Variants in CADPS2 observed in about 807,000 individuals in gnomAD.
The protein encoded by CADPS2 is calcium-dependent secretion activator 2.
Under a neutral mutation model 172.5 loss-of-function variants are expected in CADPS2, and 93 were observed. That is an observed-to-expected ratio of 0.54 (90% CI 0.46 to 0.64). The LOEUF (loss-of-function observed/expected upper bound fraction) is 0.64, where lower values mean the gene tolerates loss of function less well. Among genes scored for constraint, CADPS2 ranks in the 30% least tolerant of loss-of-function variants. CADPS2 has a pLI of 0.00. For missense variants in CADPS2, 1,420 were observed against 1,565.9 expected, an observed-to-expected ratio of 0.91 and a Z score of 1.57; for synonymous variants, 546 against 555.2, an observed-to-expected ratio of 0.98 and a Z score of 0.23.
At chr7:122,843,233 T>C (rs79399015) in intron 1 of CADPS2, among the ~76,000 whole-genome samples, 1,849 of 152,154 alleles carry the variant, frequency 0.012, 19 homozygotes, top group Middle Eastern at 0.044. Flanking sequence ...TCATAAGAGT[T>C]GCTTTTTTTT....
At chr7:122,329,553 A>T (rs564072517) in intron 28 of CADPS2, among the ~76,000 whole-genome samples, 4 of 152,238 alleles carry the variant, frequency 2.6e-5, no homozygotes, top group Non-Finnish European at 5.9e-5. Context: ...TGCAAGTTAA[A>T]GAGAAGTAGT....
At chr7:122,382,904 C>A (rs746996634) in intron 24 of CADPS2, among the ~76,000 whole-genome samples, 2 of 152,138 alleles carry the variant, frequency 1.3e-5, no homozygotes, top group African/African-American at 2.4e-5. Context: ...TTGAAGATTT[C>A]TCAAAGAACT....
chr7:122,857,759 G>T (rs1287960151), intron 1 of CADPS2, among the ~76,000 whole-genome samples: 2 of 152,118 alleles, frequency 1.3e-5, no homozygotes. Context: ...TCTTCCTTCT[G>T]GTGGGTTCGT....
At chr7:122,591,540 G>A (rs1003959400) in intron 6 of CADPS2, among the ~76,000 whole-genome samples, 3 of 152,056 alleles carry the variant, frequency 2.0e-5, no homozygotes, top group Admixed American at 2.0e-4. Flanking sequence ...ACAATCCTAG[G>A]CCAAAAGAAC....
chr7:122,643,010 G>T (rs962019286), intron 3 of CADPS2, among the ~76,000 whole-genome samples: 1 of 152,116 alleles, frequency 6.6e-6, no homozygotes, highest in Non-Finnish European at 1.5e-5. Flanking sequence ...CAAATTTGGT[G>T]TCTTCCCTGA....
chr7:122,610,523 T>C (rs960086652), intron 6 of CADPS2, among the ~76,000 whole-genome samples: 26 of 151,516 alleles, frequency 1.7e-4, no homozygotes, highest in Non-Finnish European at 3.2e-4. Flanking sequence ...AGCCTGAAAA[T>C]AGATGAGTGG....
At chr7:122,450,989 A>G (rs2053017195) in intron 15 of CADPS2, among the ~76,000 whole-genome samples, 1 of 152,040 alleles carries the variant, frequency 6.6e-6, no homozygotes, top group Admixed American at 6.6e-5. Flanking sequence ...ACTTCAGAAT[A>G]CTCTCTGCTG....
intron 2 of CADPS2, among the ~76,000 whole-genome samples, chr7:122,726,798 A>T (rs1419852195): frequency 6.6e-6 from 1 of 151,442 alleles, no homozygotes; most frequent in Non-Finnish European, 1.5e-5. Context: ...AACTATCCAC[A>T]TATAAGATAG....
At chr7:122,743,640 A>C (rs768484837) in intron 1 of CADPS2, among the ~76,000 whole-genome samples, 1 of 152,202 alleles carries the variant, frequency 6.6e-6, no homozygotes, top group Non-Finnish European at 1.5e-5. Context: ...AAAATGAGAA[A>C]GGTTTTTCAA....
intron 9 of CADPS2, among the ~76,000 whole-genome samples, chr7:122,501,512 T>C (rs1382813890): frequency 1.3e-5 from 2 of 152,040 alleles, no homozygotes; most frequent in East Asian, 3.9e-4. Context: ...AAACTCCAGC[T>C]TTCATGGATG....
At chr7:122,839,578 T>C (rs1331309303) in intron 1 of CADPS2, among the ~76,000 whole-genome samples, 1 of 151,932 alleles carries the variant, frequency 6.6e-6, no homozygotes, top group African/African-American at 2.4e-5. Context: ...CAAACAAATT[T>C]ACAGGAAAAA....
At chr7:122,719,275 AAG>A (rs1335829779) in intron 2 of CADPS2, among the ~76,000 whole-genome samples, 1 of 152,000 alleles carries the variant, frequency 6.6e-6, no homozygotes, top group African/African-American at 2.4e-5. Flanking sequence ...GGGAGAGAGA[AAG>A]GGAATGAGTG....
intron 14 of CADPS2, among the ~76,000 whole-genome samples, chr7:122,451,679 A>AGACAGCCTTCAAG (rs1273368017): frequency 6.6e-6 from 1 of 152,096 alleles, no homozygotes; most frequent in East Asian, 1.9e-4. Flanking sequence ...ATTCTCTTTT[A>AGACAGCCTTCAAG]GACAGCCTTC....
chr7:122,477,935 C>T (rs554708983), intron 12 of CADPS2, among the ~76,000 whole-genome samples: 62 of 152,286 alleles, frequency 4.1e-4, no homozygotes, highest in Non-Finnish European at 7.9e-4. Context: ...CTCCCCATTT[C>T]CTCCCTGCCA....
At chr7:122,688,939 G>A (rs1482781079) in intron 2 of CADPS2, among the ~76,000 whole-genome samples, 1 of 152,090 alleles carries the variant, frequency 6.6e-6, no homozygotes, top group Admixed American at 6.5e-5. Context: ...TATACACACA[G>A]GCTTTATACA....
chr7:122,513,120 C>T (rs1268522119), intron 9 of CADPS2, 129 bp downstream of exon 9: 1 of 637,226 alleles, frequency 1.6e-6, no homozygotes. Context: ...GAATGTACTG[C>T]TTTTATTTAA....
chr7:122,532,853 T>G (rs1300475272), intron 8 of CADPS2, among the ~76,000 whole-genome samples: 1 of 152,158 alleles, frequency 6.6e-6, no homozygotes, highest in Non-Finnish European at 1.5e-5. Flanking sequence ...CTTTTTAAAT[T>G]TGATCATAGT....
At position 122,490,102 on chromosome 7, in the gene CADPS2, G is replaced by A; in HGVS notation, c.1831C>T (p.Leu611Phe). 1 of 1,613,256 alleles carries A rather than the reference G, an allele frequency of 6.2e-7. No homozygotes were observed. Among genetic ancestry groups the A allele is most frequent in the South Asian group, 1.1e-5 (1 of 91,066 alleles). Reference protein sequence around the residue: ...TQKLNPKGGTLHADAQLSGKD... With the variant: ...TQKLNPKGGTFHADAQLSGKD... ...TTACAAAGCTGAGCATCTGCATGGAGAGTTCCTCCTTTAGGATTCAGTTTC... is the reference window on the plus strand; with the variant it reads ...TTACAAAGCTGAGCATCTGCATGGAAAGTTCCTCCTTTAGGATTCAGTTTC... Residue 611 changes from leucine (L) to phenylalanine (F), a missense_variant, in exon 11 of 30, where the codon CTC becomes TTC. Coordinates refer to ENST00000449022, the MANE Select transcript of CADPS2 (RefSeq NM_017954.11).
chr7:122,347,943 A>G (rs1456152095), intron 27 of CADPS2, among the ~76,000 whole-genome samples: 2 of 152,210 alleles, frequency 1.3e-5, no homozygotes, highest in African/African-American at 4.8e-5. Context: ...CATGAGAACA[A>G]TTTTCAATAC....
Sources: gnomAD v4.1 joint callset for allele counts (sites outside exome capture counted in the v4.1 genomes callset) on GRCh38, gnomAD v4.1.1 for gene constraint, MANE v1.5 for transcripts, NCBI Gene and HGNC (gene_info 2026-07-23, HGNC 2026-07-21) for gene names.